The following KAZN variants were observed in gnomAD, a reference collection of about 807,000 sequenced individuals.
The protein encoded by KAZN is kazrin.
In KAZN, 40 loss-of-function variants were observed where a neutral mutation model predicts 87.4. The ratio of observed to expected loss-of-function variants is 0.46; its 90% CI spans 0.36 to 0.60. The LOEUF is 0.60. Among genes scored for constraint, KAZN ranks in the 20% least tolerant of loss-of-function variants. The pLI, the probability that KAZN is intolerant of heterozygous loss-of-function variation, is 0.00. For synonymous variants in KAZN, 466 were observed against 458.3 expected, an observed-to-expected ratio of 1.02 and a Z score of -0.22; for missense variants, 898 against 1,073.9, an observed-to-expected ratio of 0.84 and a Z score of 2.29.
intron 2 of KAZN, among the ~76,000 whole-genome samples, chr1:14,319,548 G>A (rs1232358894): frequency 6.6e-6 from 1 of 151,708 alleles, no homozygotes; most frequent in East Asian, 1.9e-4. Context: ...GTAGAGCCCC[G>A]TTCTCTCCCG....
At chr1:14,807,058 G>A (rs12096972) in intron 1 of KAZN, among the ~76,000 whole-genome samples, 27,325 of 152,158 alleles carry the variant, frequency 0.18, 2,782 homozygotes, top group African/African-American at 0.27. Context: ...CCAGCATGTT[G>A]CTGAGGCACT....
chr1:14,318,860 T>A (rs188368128), intron 2 of KAZN, among the ~76,000 whole-genome samples: 1 of 151,872 alleles, frequency 6.6e-6, no homozygotes, highest in East Asian at 1.9e-4. Flanking sequence ...TCTAGAGACT[T>A]CATTGGTTCT....
intron 1 of KAZN, among the ~76,000 whole-genome samples, chr1:14,844,283 A>C (rs1648401473): frequency 6.6e-6 from 1 of 152,158 alleles, no homozygotes; most frequent in African/African-American, 2.4e-5. Context: ...TTGCCTCTCT[A>C]AGCCTCAGTC....
intron 2 of KAZN, among the ~76,000 whole-genome samples, chr1:14,314,696 T>C (rs1213768522): frequency 6.6e-6 from 1 of 152,140 alleles, no homozygotes; most frequent in Non-Finnish European, 1.5e-5. Flanking sequence ...TACTGTAAAA[T>C]TCATTCTTTT....
At chr1:13,921,381 A>T (rs1640062336) in intron 1 of KAZN, among the ~76,000 whole-genome samples, 2 of 152,192 alleles carry the variant, frequency 1.3e-5, no homozygotes, top group South Asian at 4.1e-4. Context: ...TGCAGTGTGA[A>T]AGTAGCCACA....
chr1:14,204,468 A>G (rs889765972), intron 2 of KAZN, among the ~76,000 whole-genome samples: 1 of 152,204 alleles, frequency 6.6e-6, no homozygotes, highest in Non-Finnish European at 1.5e-5. Context: ...AGTAAATAAA[A>G]CTGACATTAA....
At chr1:14,659,768 G>A (rs1639034011) in intron 1 of KAZN, among the ~76,000 whole-genome samples, 1 of 151,964 alleles carries the variant, frequency 6.6e-6, no homozygotes, top group South Asian at 2.1e-4. Flanking sequence ...TATCAGGCAG[G>A]TCCTGGCATC....
At chr1:14,090,070 G>A (rs1026989615) in intron 1 of KAZN, among the ~76,000 whole-genome samples, 1 of 150,548 alleles carries the variant, frequency 6.6e-6, no homozygotes, top group Non-Finnish European at 1.5e-5. Flanking sequence ...TTGCCTTTCT[G>A]TAATGTGATT....
intron 1 of KAZN, among the ~76,000 whole-genome samples, chr1:14,818,824 G>T (rs1172829370): frequency 1.3e-5 from 2 of 152,176 alleles, no homozygotes; most frequent in East Asian, 1.9e-4. Flanking sequence ...GGAGGCCGAG[G>T]CAGGTGGATC....
chr1:14,462,081 A>T, intron 2 of KAZN, among the ~76,000 whole-genome samples: 1 of 151,228 alleles, frequency 6.6e-6, no homozygotes, highest in East Asian at 2.0e-4. Context: ...GAACAATAAC[A>T]TTCAAAGCTA....
intron 2 of KAZN, among the ~76,000 whole-genome samples, chr1:14,978,336 G>C (rs763475736): frequency 6.6e-6 from 1 of 152,206 alleles, no homozygotes; most frequent in African/African-American, 2.4e-5. Context: ...ACCAGATGAA[G>C]AGCAGAGTCT....
chr1:14,935,182 C>G (rs1390732793), intron 1 of KAZN, among the ~76,000 whole-genome samples: 1 of 152,214 alleles, frequency 6.6e-6, no homozygotes, highest in Non-Finnish European at 1.5e-5. Flanking sequence ...TCACGGATGC[C>G]TCCCCTGCCA....
At chr1:14,071,260 A>T (rs959932050) in intron 1 of KAZN, among the ~76,000 whole-genome samples, 3 of 152,148 alleles carry the variant, frequency 2.0e-5, no homozygotes, top group African/African-American at 7.2e-5. Flanking sequence ...TTGGGGAACT[A>T]GTAGGTCTCA....
At chr1:14,536,870 G>A (rs942473294) in intron 2 of KAZN, among the ~76,000 whole-genome samples, 10 of 151,454 alleles carry the variant, frequency 6.6e-5, no homozygotes, top group East Asian at 1.9e-4. Flanking sequence ...TGACACAAGC[G>A]AAACTCCGTC....
At position 15,079,939 on chromosome 1, in the gene KAZN, A is replaced by T. The variant is rs182247907; in HGVS notation, c.1222+14186A>T. Among the ~76,000 whole-genome samples, 26 of 152,360 alleles carry T rather than the reference A, an allele frequency of 1.7e-4. No homozygotes were observed. The East Asian group carries it at 3.1e-3, about 18-fold the overall frequency. ...AAAAGCATAAAGTCATTGTCATTGG[A>T]TAACTATGTGTTTGTCTTCCCTGGA... On this transcript the variant is annotated intron_variant, in intron 8 of 14. Transcript: ENST00000376030.
At chr1:14,434,507 C>A (rs1243270755) in intron 2 of KAZN, among the ~76,000 whole-genome samples, 1 of 152,186 alleles carries the variant, frequency 6.6e-6, no homozygotes, top group African/African-American at 2.4e-5. Context: ...GAATTACACA[C>A]CCTTCTGCAC....
At chr1:14,894,638 C>T (rs1655067791) in intron 1 of KAZN, among the ~76,000 whole-genome samples, 5 of 152,240 alleles carry the variant, frequency 3.3e-5, no homozygotes, top group Admixed American at 3.3e-4. Flanking sequence ...TGCTGATTCG[C>T]AGTCCTTGCT....
At position 14,016,501 on chromosome 1, in the gene KAZN, T is replaced by A. The variant is rs536977919; in HGVS notation, c.91+122745T>A. Among the ~76,000 whole-genome samples, 20 of 152,248 alleles carry A rather than the reference T, an allele frequency of 1.3e-4. No homozygotes were observed. In the South Asian group the frequency reaches 4.2e-3, roughly 32 times the overall value. ...GGAGATCAGAGCCATGGGGATAATTTGGGCCTCTTAGCTCTCAAAGGATCA... is the reference window on the plus strand; with the variant it reads ...GGAGATCAGAGCCATGGGGATAATTAGGGCCTCTTAGCTCTCAAAGGATCA... On this transcript the variant is annotated intron_variant, in intron 1 of 16. Transcript: ENST00000636203.
At chr1:14,572,024 G>C (rs990947894) in intron 2 of KAZN, among the ~76,000 whole-genome samples, 1 of 152,188 alleles carries the variant, frequency 6.6e-6, no homozygotes, top group African/African-American at 2.4e-5. Context: ...GATCCAGCCA[G>C]TGCTATGGGA....
Sources: allele counts gnomAD v4.1 joint callset (sites outside exome capture counted in the v4.1 genomes callset), GRCh38; gene constraint gnomAD v4.1.1; transcripts MANE v1.5; gene names NCBI Gene and HGNC (gene_info 2026-07-23, HGNC 2026-07-21).